EFCAB5: variants seen among roughly 807,000 people sequenced by gnomAD.
The protein encoded by EFCAB5 is EF-hand calcium-binding domain-containing protein 5.
EFCAB5 carries 131 observed loss-of-function variants against 167.9 expected under a neutral mutation model. The observed-to-expected ratio is 0.78, with a 90% CI of 0.68 to 0.90. EFCAB5 has a LOEUF of 0.90. EFCAB5 is among the 40% of genes least tolerant of loss of function. The probability of loss-of-function intolerance (pLI) is 0.00; values close to 1 mark genes in which losing one functional copy is unlikely to be tolerated. For missense variants in EFCAB5, 1,663 were observed against 1,745.2 expected (o/e 0.95, Z 0.84); for synonymous variants, 574 against 602.8 (o/e 0.95, Z 0.70).
chr17:30,022,580 G>A (rs1191247696), intron 7 of EFCAB5, among the ~76,000 whole-genome samples: 5 of 152,094 alleles, frequency 3.3e-5, no homozygotes, highest in African/African-American at 9.7e-5. Context: ...TAGGAAACTC[G>A]TCTGGTGGTC....
chr17:30,031,084 A>C (rs1479019553), intron 7 of EFCAB5, among the ~76,000 whole-genome samples: 1 of 152,168 alleles, frequency 6.6e-6, no homozygotes, highest in Non-Finnish European at 1.5e-5. Context: ...TTATTCAATA[A>C]TTCTGACTTA....
intron 8 of EFCAB5, among the ~76,000 whole-genome samples, chr17:30,041,138 C>G (rs968894334): frequency 7.3e-5 from 11 of 151,428 alleles, no homozygotes; most frequent in African/African-American, 2.4e-4. Context: ...TGATTGAGCA[C>G]CCTTTCTGCA....
At chr17:30,003,413 TG>T (rs970226588) in intron 7 of EFCAB5, among the ~76,000 whole-genome samples, 1 of 152,048 alleles carries the variant, frequency 6.6e-6, no homozygotes, top group African/African-American at 2.4e-5. Context: ...ATTTTATTTT[TG>T]TAGAAACAGG....
intron 9 of EFCAB5, among the ~76,000 whole-genome samples, chr17:30,051,861 T>A (rs143335315): frequency 1.3e-3 from 198 of 152,358 alleles, no homozygotes; most frequent in Admixed American, 3.5e-3. Context: ...CTTAAAATTA[T>A]AAGATGTATA....
chr17:30,017,768 C>G (rs2069081108), intron 7 of EFCAB5, among the ~76,000 whole-genome samples: 1 of 151,952 alleles, frequency 6.6e-6, no homozygotes, highest in African/African-American at 2.4e-5. Flanking sequence ...TTTCTCATAT[C>G]TTTCTTTTTG....
chr17:29,953,571 C>T (rs1251406523), intron 3 of EFCAB5, among the ~76,000 whole-genome samples: 2 of 152,198 alleles, frequency 1.3e-5, no homozygotes, highest in South Asian at 2.1e-4. Context: ...TGCCTTCCAC[C>T]GTCATTGTGA....
Position 29,969,200 on chromosome 17 carries a change from A to G in EFCAB5, c.600A>G (p.Thr200=). ...LTQVEKKKVL[T]EADTPSKFDP... ...AAGTAGAAAAGAAGAAGGTTTTGAC[A>G]GAAGCTGATACTCCAAGCAAGTTTG... The change falls in exon 4 of 23, where the codon ACA becomes ACG. Residue 200 remains threonine (T), a synonymous_variant. Transcript: ENST00000394835. 6.8e-6 allele frequency: 11 copies of G among 1,613,930 alleles called. No homozygotes were observed. Among genetic ancestry groups the G allele is most frequent in the Non-Finnish European group, 9.3e-6 (11 of 1,179,840 alleles).
At chr17:30,079,959 T>A in intron 15 of EFCAB5, 113 bp from the exon 16 acceptor site, 2 of 1,280,130 alleles carry the variant, frequency 1.6e-6, no homozygotes, top group Non-Finnish European at 2.1e-6. Flanking sequence ...CATTCTTTAT[T>A]CAGGAAAATG....
intron 7 of EFCAB5, among the ~76,000 whole-genome samples, chr17:30,028,005 A>T (rs1319239729): frequency 3.9e-5 from 6 of 152,214 alleles, no homozygotes; most frequent in African/African-American, 1.4e-4. Context: ...AAAACTACAA[A>T]TACTAGAAAG....
At chr17:30,058,866 C>T (rs1308432061) in intron 13 of EFCAB5, among the ~76,000 whole-genome samples, 3 of 151,238 alleles carry the variant, frequency 2.0e-5, no homozygotes, top group African/African-American at 4.9e-5. Flanking sequence ...AAGACTCTGT[C>T]TCTAAATAAA....
At chr17:30,022,970 C>T (rs1290458011) in intron 7 of EFCAB5, among the ~76,000 whole-genome samples, 1 of 151,926 alleles carries the variant, frequency 6.6e-6, no homozygotes, top group African/African-American at 2.4e-5. Context: ...TAAAGATGTT[C>T]TTTGAAACCA....
chr17:30,039,137 C>T (rs1029904485), intron 8 of EFCAB5, among the ~76,000 whole-genome samples: 9 of 152,146 alleles, frequency 5.9e-5, no homozygotes, highest in Non-Finnish European at 8.8e-5. Flanking sequence ...GGTAAACCAA[C>T]ACCATCCTGA....
intron 4 of EFCAB5, among the ~76,000 whole-genome samples, chr17:29,983,040 A>G (rs902680309): frequency 7.9e-5 from 12 of 152,238 alleles, no homozygotes; most frequent in Non-Finnish European, 1.5e-4. Flanking sequence ...CATGGCTTAA[A>G]GCAATAGAAT....
chr17:30,030,413 G>C (rs567090278), intron 7 of EFCAB5, among the ~76,000 whole-genome samples: 1 of 151,980 alleles, frequency 6.6e-6, no homozygotes, highest in Non-Finnish European at 1.5e-5. Context: ...GTGCAATCTC[G>C]GCTCATTGCA....
intron 5 of EFCAB5, among the ~76,000 whole-genome samples, chr17:29,994,542 TAAGAGGAGACTTC>T (rs923197602): frequency 2.0e-5 from 3 of 152,160 alleles, no homozygotes; most frequent in Non-Finnish European, 4.4e-5. Flanking sequence ...TTAAGTATTC[TAAGAGGAGACTTC>T]AAAAAGTGTG....
At chr17:30,073,771 A>G in intron 14 of EFCAB5, 1 of 627,214 alleles carries the variant, frequency 1.6e-6, no homozygotes, top group Non-Finnish European at 3.0e-6. Flanking sequence ...TCCTATCAAG[A>G]TACAGAACAA....
chr17:29,975,322 C>A (rs2068042971), intron 4 of EFCAB5, among the ~76,000 whole-genome samples: 1 of 151,756 alleles, frequency 6.6e-6, no homozygotes, highest in South Asian at 2.1e-4. Flanking sequence ...TGCAATGGCA[C>A]AATCTCAGCT....
At chr17:30,066,789 A>C (rs1370354847) in intron 14 of EFCAB5, among the ~76,000 whole-genome samples, 1 of 152,180 alleles carries the variant, frequency 6.6e-6, no homozygotes, top group Non-Finnish European at 1.5e-5. Flanking sequence ...ACCAAGAAAA[A>C]AAAAGACCCA....
intron 7 of EFCAB5, among the ~76,000 whole-genome samples, chr17:30,020,034 C>T (rs897976579): frequency 6.6e-6 from 1 of 152,092 alleles, no homozygotes; most frequent in African/African-American, 2.4e-5. Context: ...TTGTATTTGT[C>T]TTTCTGTACT....
Sources: gnomAD v4.1 joint callset for allele counts (sites outside exome capture counted in the v4.1 genomes callset) on GRCh38, gnomAD v4.1.1 for gene constraint, MANE v1.5 for transcripts, NCBI Gene and HGNC (gene_info 2026-07-23, HGNC 2026-07-21) for gene names.